The following SLC25A18 variants were observed in gnomAD, a reference collection of about 807,000 sequenced individuals.
The protein encoded by SLC25A18 is mitochondrial glutamate carrier 2.
SLC25A18 carries 24 observed loss-of-function variants against 31.1 expected under a neutral mutation model. The observed-to-expected ratio is 0.77, with a 90% CI of 0.56 to 1.08. SLC25A18 has a LOEUF of 1.08. Ranked by LOEUF, SLC25A18 falls within the 50% of genes least tolerant of loss-of-function variation. The probability of loss-of-function intolerance (pLI) is 0.00; values close to 1 mark genes in which losing one functional copy is unlikely to be tolerated. For missense variants in SLC25A18, 371 were observed against 418.5 expected, an observed-to-expected ratio of 0.89 and a Z score of 0.99; for synonymous variants, 173 against 161.9, an observed-to-expected ratio of 1.07 and a Z score of -0.52.
At chr22:17,571,874 C>T (rs1476926486) in intron 2 of SLC25A18, among the ~76,000 whole-genome samples, 8 of 151,912 alleles carry the variant, frequency 5.3e-5, no homozygotes, top group African/African-American at 1.5e-4. Context: ...AAAAATTAGC[C>T]GGGCATGGTG....
chr22:17,573,472 C>T (rs1050858850), intron 2 of SLC25A18, among the ~76,000 whole-genome samples: 15 of 152,148 alleles, frequency 9.9e-5, no homozygotes, highest in Admixed American at 9.8e-4. Flanking sequence ...AGGTAGGACT[C>T]AGTATCTGGA....
In SLC25A18 at chr22:17,583,533, G is replaced by A. The variant is rs1223812468; in HGVS notation, c.408G>A (p.Leu136=). ...TTCAGCTGCAGGATGCTGGACGCCT[G>A]GGTGAGGCCTGTCCCCACCTCCTAT... The part of the protein sequence containing the change: ...LKIQLQDAGR[L]AVHHQGSASA... Residue 136 remains leucine (L), a splice_region_variant and synonymous_variant, in exon 7 of 11, where the codon CTG becomes CTA. Coordinates refer to ENST00000327451, the MANE Select transcript of SLC25A18 (RefSeq NM_031481.3). 1 of 1,613,460 alleles carries A rather than the reference G, an allele frequency of 6.2e-7. No homozygotes were observed. Among genetic ancestry groups the A allele is most frequent in the Admixed American group, 1.7e-5 (1 of 60,008 alleles).
chr22:17,573,379 C>T lies in SLC25A18; in HGVS notation c.-201+3393C>T, dbSNP rs559046587. Among the ~76,000 whole-genome samples the T allele has an allele frequency of 2.0e-5, 3 of 152,180 alleles. No individual in the cohort carries two copies. The East Asian group carries it at 5.8e-4, about 29-fold the overall frequency. Reference sequence around the variant, plus strand: ...CTCTGACTTCCTCCCCACTTCCCCCCAAAACCTGTCTGCTTCTGACTCTAC... The same window carrying T: ...CTCTGACTTCCTCCCCACTTCCCCCTAAAACCTGTCTGCTTCTGACTCTAC... On this transcript the variant is annotated intron_variant, in intron 2 of 10. Transcript: ENST00000327451.
intron 2 of SLC25A18, among the ~76,000 whole-genome samples, chr22:17,579,040 C>T (rs1229293504): frequency 6.6e-6 from 1 of 151,850 alleles, no homozygotes; most frequent in Non-Finnish European, 1.5e-5. Context: ...CAAAAAGTAA[C>T]TATGGAGCAT....
Position 17,590,410 on chromosome 22 carries a change from T to C in SLC25A18, c.*174T>C, listed in dbSNP as rs2146287901. 1.4e-6 allele frequency: 1 copy of C among 711,098 alleles called. No homozygotes were observed. Among genetic ancestry groups the C allele is most frequent in the African/African-American group, 1.8e-5 (1 of 56,484 alleles). The allele number at this position is 711,098 out of a possible 1,614,324, so 44.0% of individuals were successfully genotyped here. A position where few individuals can be genotyped will look rare whatever the true frequency, so the allele number is the denominator to read the frequency against. ...TATTCTAACAAGTTGAGCACAGCCT[T>C]CTTCCCCTTCGTGTCTACACTCGTT... On this transcript the variant is annotated 3_prime_UTR_variant, in exon 11 of 11. Transcript: ENST00000327451.
Position 17,579,958 on chromosome 22 carries a change from A to G in SLC25A18, c.14A>G (p.Asp5Gly), listed in dbSNP as rs944020888. 6.2e-7 allele frequency: 1 copy of G among 1,611,020 alleles called. No individual in the cohort carries two copies. Among genetic ancestry groups the G allele is most frequent in the Non-Finnish European group, 8.5e-7 (1 of 1,179,140 alleles). The change falls in exon 3 of 11, where the codon GAT becomes GGT. Residue 5 changes from aspartate (D) to glycine (G), a missense_variant. By Grantham distance (94) the Asp-to-Gly change is moderately conservative. Coordinates refer to ENST00000327451, the MANE Select transcript of SLC25A18 (RefSeq NM_031481.3). The stretch of plus-strand genomic sequence containing the variant: ...AGCCCCTGCAGAATGACCCACCAGG[A>G]TCTGAGGTGAGCTCGGCTGGGGCAG... MTHQ[D>G]LSITAKLING...
At chr22:17,566,415 TC>T (rs2146200806) in intron 1 of SLC25A18, among the ~76,000 whole-genome samples, 1 of 144,728 alleles carries the variant, frequency 6.9e-6, no homozygotes, top group Non-Finnish European at 1.5e-5. Flanking sequence ...GCTGTCATTT[TC>T]TTTTTTTTTT....
chr22:17,563,740 G>A, intron 1 of SLC25A18, 27 bp downstream of exon 1: 2 of 985,172 alleles, frequency 2.0e-6, no homozygotes, highest in Non-Finnish European at 2.4e-6. Context: ...TACCCACCGT[G>A]AGCCTTGTAC....
chr22:17,579,073 TTGTTTG>T (rs2057304756), intron 2 of SLC25A18, among the ~76,000 whole-genome samples: 1 of 137,462 alleles, frequency 7.3e-6, no homozygotes, highest in Non-Finnish European at 1.5e-5. Context: ...TTTTGTTTGT[TTGTTTG>T]TTTGTTTGTT....
chr22:17,579,661 TGGAGCAAGC>T, intron 2 of SLC25A18, 75 bp from the exon 3 acceptor site: 1 of 1,147,324 alleles, frequency 8.7e-7, no homozygotes, highest in Non-Finnish European at 1.1e-6. Flanking sequence ...GGGAAAAAAG[TGGAGCAAGC>T]GGGCCGCATG....
intron 1 of SLC25A18, among the ~76,000 whole-genome samples, chr22:17,564,012 G>A (rs552859768): frequency 2.6e-5 from 4 of 152,282 alleles, no homozygotes; most frequent in African/African-American, 9.6e-5. Context: ...ATCAGTTTGG[G>A]GACTGGCTTC....
At chr22:17,587,816 G>C in intron 8 of SLC25A18, 109 bp from the exon 9 acceptor site, 1 of 1,363,482 alleles carries the variant, frequency 7.3e-7, no homozygotes, top group African/African-American at 1.5e-5. Flanking sequence ...GAGTCCCCGT[G>C]GCTCCTCTCA....
Position 17,564,233 on chromosome 22 carries a change from C to T in SLC25A18, c.-264+520C>T, listed in dbSNP as rs116669148. On this transcript the variant is annotated intron_variant, in intron 1 of 10. Coordinates refer to ENST00000327451, the MANE Select transcript of SLC25A18 (RefSeq NM_031481.3). ...GGGAGAAGTGATGGTGTTCCTCTCCCCACCACCTCAGCCTGCCCTGATCAT... is the reference window on the plus strand; with the variant it reads ...GGGAGAAGTGATGGTGTTCCTCTCCTCACCACCTCAGCCTGCCCTGATCAT... Among the ~76,000 whole-genome samples the T allele has an allele frequency of 3.3e-3, 499 of 152,304 alleles. 3 individuals are homozygous for T. Among genetic ancestry groups the T allele is most frequent in the African/African-American group, 0.011 (470 of 41,574 alleles).
chr22:17,580,020 C>T (rs1159520965), intron 3 of SLC25A18, 56 bp downstream of exon 3: 1 of 1,544,622 alleles, frequency 6.5e-7, no homozygotes, highest in East Asian at 2.3e-5. Flanking sequence ...CGGAGAGTCG[C>T]TGTGGTGATA....
chr22:17,580,897 G>A, intron 3 of SLC25A18, 140 bp from the exon 4 acceptor site: 1 of 1,428,838 alleles, frequency 7.0e-7, no homozygotes, highest in Non-Finnish European at 9.2e-7. Flanking sequence ...CCTGGGCCAG[G>A]GAGGCTGAAG....
intron 3 of SLC25A18, chr22:17,580,663 A>C (rs2057347923): frequency 2.0e-6 from 2 of 1,020,472 alleles, no homozygotes; most frequent in Non-Finnish European, 1.2e-6. Context: ...GTTCTGCCTG[A>C]CCTTCAGTCC....
intron 2 of SLC25A18, among the ~76,000 whole-genome samples, chr22:17,578,721 G>A (rs889186579): frequency 2.6e-5 from 4 of 152,180 alleles, no homozygotes; most frequent in Admixed American, 6.5e-5. Flanking sequence ...ACCTGAGGTC[G>A]GAAAAAATAC....
intron 1 of SLC25A18, among the ~76,000 whole-genome samples, chr22:17,564,675 C>T (rs174361): frequency 0.48 from 73,172 of 151,504 alleles, 17,837 homozygotes; most frequent in Non-Finnish European, 0.51. Context: ...TCCTGGCTAA[C>T]GTGAAACCCC....
At position 17,569,977 on chromosome 22, in the gene SLC25A18, C is replaced by G; in HGVS notation, c.-210C>G. The G allele has an allele frequency of 2.0e-6, 2 of 985,412 alleles. No homozygotes were observed. Among genetic ancestry groups the G allele is most frequent in the Non-Finnish European group, 2.4e-6 (2 of 829,958 alleles). The allele number at this position is 985,412 out of a possible 1,614,324, so 61.0% of individuals were successfully genotyped here. A position where few individuals can be genotyped will look rare whatever the true frequency, so the allele number is the denominator to read the frequency against. ...GTTCCAGAAAAGGCAGAGGTTCTTA[C>G]CGAAAGCAGGTAAGTGTCTTGTCTG... On this transcript the variant is annotated 5_prime_UTR_variant, in exon 2 of 11. It introduces an in-frame stop codon into an upstream open reading frame of the 5' UTR. Transcript: ENST00000327451.
Sources: allele counts gnomAD v4.1 joint callset (sites outside exome capture counted in the v4.1 genomes callset), GRCh38; gene constraint gnomAD v4.1.1; transcripts MANE v1.5; gene names NCBI Gene and HGNC (gene_info 2026-07-23, HGNC 2026-07-21).